Variants in POFUT3 observed in about 807,000 individuals in gnomAD.
POFUT3 encodes the protein protein O-fucosyltransferase 3, also known as GDP-fucose protein O-fucosyltransferase 3.
chr8:33,342,855 C>T, the POFUT3 span, among the ~76,000 whole-genome samples: 1 of 152,140 alleles, frequency 6.6e-6, no homozygotes, highest in African/African-American at 2.4e-5. Context: ...CCTGTAAAGC[C>T]AGCACTTTGG....
the POFUT3 span, among the ~76,000 whole-genome samples, chr8:33,356,641 A>G: frequency 6.6e-6 from 1 of 152,100 alleles, no homozygotes. Context: ...CTCTGATGGT[A>G]GTTTATTTTG....
the POFUT3 span, among the ~76,000 whole-genome samples, chr8:33,324,120 AG>A: frequency 2.0e-5 from 3 of 152,176 alleles, no homozygotes; most frequent in Non-Finnish European, 4.4e-5. Context: ...CATCCCAGTC[AG>A]CTGGGATGTA....
the POFUT3 span, among the ~76,000 whole-genome samples, chr8:33,335,755 AG>A: frequency 6.6e-6 from 1 of 152,240 alleles, no homozygotes; most frequent in Admixed American, 6.5e-5. Context: ...CTTATAGAAA[AG>A]TCAGCTAGAA....
chr8:33,461,705 T>C, the POFUT3 span: 1 of 1,408,958 alleles, frequency 7.1e-7, no homozygotes, highest in Non-Finnish European at 9.3e-7. Context: ...TTTCTCCAAA[T>C]AAGAAGGAAT....
the POFUT3 span, chr8:33,452,316 T>C: frequency 6.6e-6 from 1 of 152,174 alleles, no homozygotes; most frequent in African/African-American, 2.4e-5. Flanking sequence ...TGCTCACAGC[T>C]CTAGTCATTT....
chr8:33,371,015 T>G, the POFUT3 span: 2 of 152,162 alleles, frequency 1.3e-5, no homozygotes. Context: ...AAATAGTTTG[T>G]TACCCTCTTT....
At chr8:33,411,892 T>C in the POFUT3 span, among the ~76,000 whole-genome samples, 1 of 152,168 alleles carries the variant, frequency 6.6e-6, no homozygotes, top group Admixed American at 6.5e-5. Context: ...ACCTGGGAAT[T>C]TCACTGGGCA....
At chr8:33,376,215 T>TA in the POFUT3 span, among the ~76,000 whole-genome samples, 955 of 148,706 alleles carry the variant, frequency 6.4e-3, 7 homozygotes, top group African/African-American at 0.015. Context: ...ATATTTTTCT[T>TA]AAAAAAAAAA....
chr8:33,412,609 G>C, the POFUT3 span, among the ~76,000 whole-genome samples: 9 of 152,076 alleles, frequency 5.9e-5, no homozygotes, highest in African/African-American at 2.2e-4. Context: ...TTGCATCTCT[G>C]CTTTGCCATC....
chr8:33,431,547 CAAAAAAAAAAAAAAAAA>C, the POFUT3 span, among the ~76,000 whole-genome samples: 240 of 35,062 alleles, frequency 6.8e-3, no homozygotes, highest in East Asian at 0.012. Flanking sequence ...GACCCTGTCT[CAAAAAAAAAAAAAAAAA>C]AAAAAAAAAA....
At chr8:33,319,702 T>C in the POFUT3 span, among the ~76,000 whole-genome samples, 2 of 32,232 alleles carry the variant, frequency 6.2e-5, no homozygotes, top group Non-Finnish European at 1.1e-4. Context: ...TATATATATT[T>C]TATATATATT....
At chr8:33,341,717 T>C in the POFUT3 span, among the ~76,000 whole-genome samples, 6 of 151,562 alleles carry the variant, frequency 4.0e-5, no homozygotes, top group Non-Finnish European at 8.8e-5. Flanking sequence ...AGCAAGGAAA[T>C]AATAAAAATA....
At chr8:33,348,822 T>C in the POFUT3 span, among the ~76,000 whole-genome samples, 1 of 152,042 alleles carries the variant, frequency 6.6e-6, no homozygotes, top group South Asian at 2.1e-4. Context: ...CAGGGGCACA[T>C]GAATGGAGAG....
the POFUT3 span, among the ~76,000 whole-genome samples, chr8:33,405,519 T>C: frequency 6.6e-6 from 1 of 152,028 alleles, no homozygotes; most frequent in South Asian, 2.1e-4. Context: ...ATTCAAGAAA[T>C]TAGTGAGTTG....
the POFUT3 span, among the ~76,000 whole-genome samples, chr8:33,328,854 G>A: frequency 6.6e-6 from 1 of 152,236 alleles, no homozygotes; most frequent in East Asian, 1.9e-4. Flanking sequence ...CAAAGATATG[G>A]GGGCAAGGGA....
chr8:33,393,362 C>G, the POFUT3 span, among the ~76,000 whole-genome samples: 1 of 152,174 alleles, frequency 6.6e-6, no homozygotes, highest in South Asian at 2.1e-4. Flanking sequence ...CGTATTCGTT[C>G]CTTTAAACAA....
At chr8:33,371,054 T>C in the POFUT3 span, 7 of 152,260 alleles carry the variant, frequency 4.6e-5, no homozygotes, top group African/African-American at 1.7e-4. Context: ...ATTAAATTTC[T>C]TAAATGTTGA....
At chr8:33,456,625 A>G in the POFUT3 span, among the ~76,000 whole-genome samples, 1 of 152,138 alleles carries the variant, frequency 6.6e-6, no homozygotes, top group Non-Finnish European at 1.5e-5. Flanking sequence ...TGTAGGAAAT[A>G]TGGCAGAATA....
chr8:33,358,733 T>G, the POFUT3 span, among the ~76,000 whole-genome samples: 1 of 152,042 alleles, frequency 6.6e-6, no homozygotes, highest in Non-Finnish European at 1.5e-5. Flanking sequence ...CCCAGAGTGC[T>G]GGGCTCGGTC....
Sources: allele counts gnomAD v4.1 joint callset (sites outside exome capture counted in the v4.1 genomes callset), GRCh38; gene constraint gnomAD v4.1.1; transcripts MANE v1.5; gene names NCBI Gene and HGNC (gene_info 2026-07-23, HGNC 2026-07-21).